CTNNA3: variants seen among roughly 807,000 people sequenced by gnomAD.
CTNNA3 encodes the protein catenin alpha-3.
Under a neutral mutation model 95.7 loss-of-function variants are expected in CTNNA3, and 76 were observed. The observed-to-expected ratio is 0.79, with a 90% CI of 0.66 to 0.96. The LOEUF is 0.96. CTNNA3 is among the 40% of genes least tolerant of loss of function. The pLI, the probability that CTNNA3 is intolerant of heterozygous loss-of-function variation, is 0.00. For synonymous variants in CTNNA3, 431 were observed against 374.4 expected (o/e 1.15, Z -1.74); for missense variants, 1,191 against 1,089.8 (o/e 1.09, Z -1.31).
chr10:67,522,041 G>T, intron 4 of CTNNA3, 80 bp from the exon 5 acceptor site: 1 of 1,394,500 alleles, frequency 7.2e-7, no homozygotes, highest in Non-Finnish European at 9.9e-7. Context: ...ACGAAGAGTC[G>T]ATAATGAGCC....
intron 13 of CTNNA3, among the ~76,000 whole-genome samples, chr10:66,253,922 T>A (rs1477987346): frequency 1.3e-5 from 2 of 152,150 alleles, no homozygotes; most frequent in East Asian, 3.9e-4. Flanking sequence ...AAAGAAGGAT[T>A]TCAGCATAGA....
intron 13 of CTNNA3, among the ~76,000 whole-genome samples, chr10:66,178,899 A>C (rs12771918): frequency 6.6e-6 from 1 of 151,974 alleles, no homozygotes. Context: ...TAATAATGAC[A>C]ACACCCAATG....
intron 5 of CTNNA3, among the ~76,000 whole-genome samples, chr10:67,377,043 T>A (rs1185583878): frequency 6.6e-6 from 1 of 152,208 alleles, no homozygotes; most frequent in African/African-American, 2.4e-5. Context: ...ATGTTTGCAT[T>A]CCAGTGCACA....
intron 5 of CTNNA3, among the ~76,000 whole-genome samples, chr10:67,466,332 T>A (rs546930585): frequency 6.6e-6 from 1 of 152,290 alleles, no homozygotes; most frequent in African/African-American, 2.4e-5. Context: ...TACAACAAGT[T>A]TTTTTGTGAG....
intron 14 of CTNNA3, among the ~76,000 whole-genome samples, chr10:66,072,082 G>T (rs1252462310): frequency 6.6e-6 from 1 of 152,190 alleles, no homozygotes; most frequent in Non-Finnish European, 1.5e-5. Context: ...TGCAAGAGCA[G>T]TCATGAATAC....
rs35402161 is a variant in CTNNA3, at chr10:66,110,360, TAA to T, written c.1885-7113_1885-7112del. ...CTGGGTGACAGAATGAGACTCTGTC[TAA>T]AAAAAAAAAAAAAAAAAAAATTCAA... On this transcript the variant is annotated intron_variant, in intron 13 of 17. Coordinates refer to ENST00000433211, the MANE Select transcript of CTNNA3 (RefSeq NM_013266.4). Among the ~76,000 whole-genome samples the T allele has an allele frequency of 7.0e-3, 732 of 104,828 alleles. 4 individuals are homozygous for T. The highest frequency in any genetic ancestry group is 8.7e-3 in the Non-Finnish European group (444 of 50,800). The allele number at this position is 104,828 out of a possible 152,430, so 68.8% of individuals were successfully genotyped here. A position where few individuals can be genotyped will look rare whatever the true frequency, so the allele number is the denominator to read the frequency against.
intron 2 of CTNNA3, among the ~76,000 whole-genome samples, chr10:67,615,655 TTC>T (rs200928459): frequency 2.2e-5 from 3 of 134,844 alleles, no homozygotes; most frequent in African/African-American, 9.3e-5. Context: ...ACGGCAGGTA[TTC>T]TTTTTTTTTT....
intron 5 of CTNNA3, among the ~76,000 whole-genome samples, chr10:67,279,446 G>A (rs772000389): frequency 2.0e-5 from 3 of 151,984 alleles, no homozygotes; most frequent in Non-Finnish European, 2.9e-5. Flanking sequence ...TGAACTTGAG[G>A]GCTTCAATAT....
intron 11 of CTNNA3, among the ~76,000 whole-genome samples, chr10:66,493,645 AGGCTGGATGGAGTTCAGT>A (rs1245838469): frequency 3.8e-5 from 5 of 131,278 alleles, no homozygotes; most frequent in African/African-American, 1.6e-4. Flanking sequence ...TCTGTCGCTC[AGGCTGGATGGAGTTCAGT>A]GGCGTGATCT....
At chr10:67,350,230 C>T (rs1481486176) in intron 5 of CTNNA3, among the ~76,000 whole-genome samples, 1 of 151,960 alleles carries the variant, frequency 6.6e-6, no homozygotes. Flanking sequence ...GAGTCTCTGC[C>T]CTTAACTACT....
At chr10:66,036,121 A>G (rs142041687) in intron 15 of CTNNA3, among the ~76,000 whole-genome samples, 1 of 152,260 alleles carries the variant, frequency 6.6e-6, no homozygotes, top group East Asian at 1.9e-4. Context: ...CCAGTTCTCT[A>G]GAGAAAAACA....
chr10:66,079,367 AGTTAAATCTTATTATAT>A (rs1394549933), intron 14 of CTNNA3: 1 of 152,006 alleles, frequency 6.6e-6, no homozygotes, highest in African/African-American at 2.4e-5. Flanking sequence ...CTTTTAAAAA[AGTTAAATCTTATTATAT>A]GAATTTTATA....
intron 6 of CTNNA3, among the ~76,000 whole-genome samples, chr10:67,216,097 T>C (rs959686946): frequency 3.9e-5 from 6 of 152,328 alleles, no homozygotes; most frequent in Middle Eastern, 6.8e-3. Flanking sequence ...AACAGTGATA[T>C]CTATTTCTTC....
Position 66,903,425 on chromosome 10 carries a change from C to T in CTNNA3, c.1048-127901G>A, listed in dbSNP as rs183526760. ...GACAAACCCACAGCCAATATCATAC[C>T]GAATGGACAAAAACTGGAAGCATTC... is the stretch of plus-strand genomic sequence containing the variant. On this transcript the variant is annotated intron_variant, in intron 7 of 17. Transcript: ENST00000433211. Among the ~76,000 whole-genome samples, 68 of 152,070 alleles carry T rather than the reference C, an allele frequency of 4.5e-4. 1 individual carries two copies. In the East Asian group the frequency reaches 0.01, roughly 23 times the overall value.
intron 5 of CTNNA3, among the ~76,000 whole-genome samples, chr10:67,394,241 T>C (rs1465379942): frequency 6.6e-6 from 1 of 151,810 alleles, no homozygotes; most frequent in Non-Finnish European, 1.5e-5. Context: ...CTTAACTTTA[T>C]ATCTCAGTAT....
chr10:66,006,011 T>C (rs1249865672), intron 15 of CTNNA3, among the ~76,000 whole-genome samples: 1 of 109,236 alleles, frequency 9.2e-6, no homozygotes, highest in Non-Finnish European at 2.1e-5. Context: ...AGGAAAGCCT[T>C]TTTTTTTTTT....
At chr10:66,851,250 G>T (rs898268108) in intron 7 of CTNNA3, among the ~76,000 whole-genome samples, 1 of 152,006 alleles carries the variant, frequency 6.6e-6, no homozygotes, top group Non-Finnish European at 1.5e-5. Flanking sequence ...CACCAGAAAT[G>T]CCCATCACTC....
At chr10:67,642,425 A>G (rs1839568377) in intron 2 of CTNNA3, among the ~76,000 whole-genome samples, 1 of 152,188 alleles carries the variant, frequency 6.6e-6, no homozygotes, top group South Asian at 2.1e-4. Flanking sequence ...AAACATGAAA[A>G]AAAGTTTATC....
chr10:66,707,980 G>A (rs751461926), intron 9 of CTNNA3, among the ~76,000 whole-genome samples: 1 of 151,938 alleles, frequency 6.6e-6, no homozygotes, highest in Non-Finnish European at 1.5e-5. Context: ...TCAATCAATT[G>A]TTTCATTTGT....
Sources: gnomAD v4.1 joint callset for allele counts (sites outside exome capture counted in the v4.1 genomes callset) on GRCh38, gnomAD v4.1.1 for gene constraint, MANE v1.5 for transcripts, NCBI Gene and HGNC (gene_info 2026-07-23, HGNC 2026-07-21) for gene names.